PDSS2: variants seen among roughly 807,000 people sequenced by gnomAD.
The protein encoded by PDSS2 is decaprenyl diphosphate synthase subunit 2.
Under a neutral mutation model 44.5 loss-of-function variants are expected in PDSS2, and 31 were observed. That is an observed-to-expected ratio of 0.70 (90% confidence interval 0.52 to 0.94). PDSS2 has a LOEUF of 0.94. PDSS2 is among the 40% of genes least tolerant of loss of function. PDSS2 has a pLI of 0.00. For synonymous variants in PDSS2, 157 were observed against 180.3 expected, an observed-to-expected ratio of 0.87 and a Z score of 1.03; for missense variants, 452 against 482.2, an observed-to-expected ratio of 0.94 and a Z score of 0.59.
intron 3 of PDSS2, among the ~76,000 whole-genome samples, chr6:107,263,632 G>A (rs1355165077): frequency 6.6e-6 from 1 of 152,090 alleles, no homozygotes; most frequent in East Asian, 1.9e-4. Context: ...GCTTCAAAAT[G>A]GGCAAAGTTC....
chr6:107,213,664 G>A (rs571634813), intron 4 of PDSS2, among the ~76,000 whole-genome samples: 1 of 152,114 alleles, frequency 6.6e-6, no homozygotes, highest in Non-Finnish European at 1.5e-5. Flanking sequence ...GGCCGAGGCA[G>A]GAGAATCACT....
Position 107,227,991 on chromosome 6 carries a change from T to C in PDSS2, c.703-15709A>G, listed in dbSNP as rs1773892409. ...TGGTAATTGAAGGCTTGGGTTTCAT[T>C]TTCTGAATGGCTTACTCTTGTCCTT... On this transcript the variant is annotated intron_variant, in intron 4 of 7. Transcript: ENST00000369037. Among the ~76,000 whole-genome samples the C allele has an allele frequency of 2.0e-5, 3 of 152,190 alleles. No individual in the cohort carries two copies. The South Asian group carries it at 6.2e-4, about 32-fold the overall frequency.
intron 4 of PDSS2, among the ~76,000 whole-genome samples, chr6:107,227,275 G>A (rs1350669022): frequency 1.3e-5 from 1 of 77,800 alleles, no homozygotes; most frequent in African/African-American, 5.4e-5. Flanking sequence ...AAGCCACTGT[G>A]CCCTTTTTTT....
At chr6:107,343,878 C>T (rs1012396725) in intron 1 of PDSS2, among the ~76,000 whole-genome samples, 6 of 152,032 alleles carry the variant, frequency 3.9e-5, no homozygotes, top group African/African-American at 9.7e-5. Context: ...TACTACCAAA[C>T]GGTAACAAGT....
chr6:107,454,982 G>A (rs1274825798), intron 1 of PDSS2, among the ~76,000 whole-genome samples: 1 of 152,028 alleles, frequency 6.6e-6, no homozygotes, highest in East Asian at 1.9e-4. Flanking sequence ...GGCTGTCTAT[G>A]AGTTTAGGCT....
chr6:107,337,588 A>G (rs1176017237), intron 1 of PDSS2, among the ~76,000 whole-genome samples: 1 of 152,250 alleles, frequency 6.6e-6, no homozygotes, highest in Non-Finnish European at 1.5e-5. Flanking sequence ...GTCAAAGTAC[A>G]TAACACTGTG....
intron 7 of PDSS2, among the ~76,000 whole-genome samples, chr6:107,179,418 T>G (rs1484094671): frequency 6.6e-6 from 1 of 152,028 alleles, no homozygotes; most frequent in African/African-American, 2.4e-5. Flanking sequence ...ATAGCTGGGA[T>G]TATAGGTGCC....
intron 3 of PDSS2, among the ~76,000 whole-genome samples, chr6:107,255,099 G>A (rs1176497443): frequency 6.6e-6 from 1 of 151,306 alleles, no homozygotes; most frequent in Admixed American, 6.6e-5. Flanking sequence ...TCGAACTCCT[G>A]ACTTTGTATT....
At chr6:107,442,467 T>C (rs1781539569) in intron 1 of PDSS2, among the ~76,000 whole-genome samples, 1 of 152,104 alleles carries the variant, frequency 6.6e-6, no homozygotes, top group Non-Finnish European at 1.5e-5. Context: ...ATTTCTATGC[T>C]TGCAACTAAA....
chr6:107,458,795 T>C (rs924223536), intron 1 of PDSS2, among the ~76,000 whole-genome samples, 195 bp downstream of exon 1: 1 of 152,164 alleles, frequency 6.6e-6, no homozygotes, highest in Non-Finnish European at 1.5e-5. Context: ...AAACCACTTA[T>C]GCACTCAGCT....
At chr6:107,408,678 C>T (rs901354453) in intron 1 of PDSS2, among the ~76,000 whole-genome samples, 2 of 152,176 alleles carry the variant, frequency 1.3e-5, no homozygotes, top group African/African-American at 4.8e-5. Context: ...TCTGCCACAC[C>T]TACAGAAGCA....
At chr6:107,355,034 G>T (rs1234741409) in intron 1 of PDSS2, among the ~76,000 whole-genome samples, 1 of 152,000 alleles carries the variant, frequency 6.6e-6, no homozygotes, top group African/African-American at 2.4e-5. Flanking sequence ...CTGGGTTCAA[G>T]CAATTCTCCT....
At chr6:107,386,821 A>G (rs777411831) in intron 1 of PDSS2, among the ~76,000 whole-genome samples, 6 of 152,252 alleles carry the variant, frequency 3.9e-5, no homozygotes, top group Non-Finnish European at 7.3e-5. Context: ...AAGATCACCT[A>G]GCAATCACTT....
chr6:107,240,232 A>G (rs182614273), intron 4 of PDSS2, among the ~76,000 whole-genome samples: 1 of 152,030 alleles, frequency 6.6e-6, no homozygotes, highest in Admixed American at 6.5e-5. Context: ...GTATGGTGAG[A>G]CCTTGTCTCT....
At chr6:107,338,741 G>A (rs946817226) in intron 1 of PDSS2, among the ~76,000 whole-genome samples, 8 of 152,178 alleles carry the variant, frequency 5.3e-5, no homozygotes, top group Non-Finnish European at 1.2e-4. Flanking sequence ...GAAGGAAAGA[G>A]AGGAGGACAC....
chr6:107,383,177 T>C (rs2114476824), intron 1 of PDSS2, among the ~76,000 whole-genome samples: 1 of 151,360 alleles, frequency 6.6e-6, no homozygotes, highest in East Asian at 2.0e-4. Context: ...TGTGCGCCTG[T>C]AATCCCAGCT....
chr6:107,442,336 G>A (rs372343373), intron 1 of PDSS2, among the ~76,000 whole-genome samples: 44 of 152,086 alleles, frequency 2.9e-4, no homozygotes, highest in African/African-American at 8.5e-4. Context: ...AGAATCACTC[G>A]AATCCAGGAG....
chr6:107,247,723 C>T (rs1054992648), intron 3 of PDSS2, among the ~76,000 whole-genome samples: 16 of 149,548 alleles, frequency 1.1e-4, no homozygotes, highest in Non-Finnish European at 3.0e-5. Flanking sequence ...TGTGTTTGGT[C>T]GGGTGCAGTG....
intron 2 of PDSS2, among the ~76,000 whole-genome samples, chr6:107,300,498 T>C (rs1776658720): frequency 6.6e-6 from 1 of 152,128 alleles, no homozygotes; most frequent in Non-Finnish European, 1.5e-5. Flanking sequence ...CACCCACCTC[T>C]AAACACGGGG....
Sources: gnomAD v4.1 joint callset for allele counts (sites outside exome capture counted in the v4.1 genomes callset) on GRCh38, gnomAD v4.1.1 for gene constraint, MANE v1.5 for transcripts, NCBI Gene and HGNC (gene_info 2026-07-23, HGNC 2026-07-21) for gene names.